WASF3: variants seen among roughly 807,000 people sequenced by gnomAD.
The protein encoded by WASF3 is actin-binding protein WASF3.
In WASF3, 11 loss-of-function variants were observed where a neutral mutation model predicts 46.6. The observed-to-expected ratio is 0.24, with a 90% CI of 0.15 to 0.39. WASF3 has a LOEUF of 0.39. Among genes scored for constraint, WASF3 ranks in the 10% least tolerant of loss-of-function variants. The probability of loss-of-function intolerance (pLI) is 1.00; values close to 1 mark genes in which losing one functional copy is unlikely to be tolerated. For synonymous variants in WASF3, 242 were observed against 259.7 expected (o/e 0.93, Z 0.65); for missense variants, 576 against 669.8 (o/e 0.86, Z 1.55).
chr13:26,561,324 C>T (rs1027217364), intron 1 of WASF3, among the ~76,000 whole-genome samples: 1 of 151,572 alleles, frequency 6.6e-6, no homozygotes, highest in African/African-American at 2.4e-5. Flanking sequence ...GGTCATTGGC[C>T]GTGTGTGTGT....
At position 26,635,511 on chromosome 13, in the gene WASF3, C is replaced by T. The variant is rs141702801; in HGVS notation, c.-10-6750C>T. On this transcript the variant is annotated intron_variant, in intron 2 of 9. Coordinates refer to ENST00000335327, the MANE Select transcript of WASF3 (RefSeq NM_006646.6). ...CTGTCAACTCGTCAAAGTCATTCTC[C>T]GTCCAGCTTTGTTCCATTGCTGGCA... Among the ~76,000 whole-genome samples the T allele has an allele frequency of 7.2e-3, 1,092 of 152,308 alleles. 9 individuals carry two copies. The highest frequency in any genetic ancestry group is 0.024 in the African/African-American group (1,011 of 41,562).
intron 1 of WASF3, among the ~76,000 whole-genome samples, chr13:26,558,756 C>G (rs1393199927): frequency 6.6e-6 from 1 of 152,190 alleles, no homozygotes; most frequent in Non-Finnish European, 1.5e-5. Flanking sequence ...CAGCAACAGT[C>G]TCGAGTTTTC....
At chr13:26,559,387 C>G (rs1466860705) in intron 1 of WASF3, among the ~76,000 whole-genome samples, 1 of 152,192 alleles carries the variant, frequency 6.6e-6, no homozygotes, top group African/African-American at 2.4e-5. Flanking sequence ...TGCTTAATAG[C>G]ATTTGTTTTT....
At chr13:26,575,823 C>G (rs1879780197) in intron 1 of WASF3, among the ~76,000 whole-genome samples, 2 of 152,274 alleles carry the variant, frequency 1.3e-5, no homozygotes, top group South Asian at 2.1e-4. Flanking sequence ...GATTCATTCT[C>G]TGATATCATT....
intron 2 of WASF3, among the ~76,000 whole-genome samples, chr13:26,636,689 G>A (rs1254065315): frequency 1.3e-5 from 2 of 152,146 alleles, no homozygotes; most frequent in African/African-American, 4.8e-5. Flanking sequence ...TATCTCTGCT[G>A]GGTCATACAG....
At chr13:26,620,931 G>C (rs75697278) in intron 2 of WASF3, among the ~76,000 whole-genome samples, 3 of 152,086 alleles carry the variant, frequency 2.0e-5, no homozygotes, top group Non-Finnish European at 4.4e-5. Flanking sequence ...CCTTTTTCTG[G>C]GAGACTTATT....
chr13:26,660,565 G>C (rs80262244), intron 3 of WASF3, among the ~76,000 whole-genome samples: 9,362 of 152,020 alleles, frequency 0.062, 319 homozygotes, highest in South Asian at 0.1. Flanking sequence ...AAGGGGCGAG[G>C]ACAGAGCAGC....
chr13:26,682,886 C>T lies in WASF3; in HGVS notation c.1263C>T (p.Gly421=), dbSNP rs768432454. 12 of 1,611,698 alleles carry T rather than the reference C, an allele frequency of 7.4e-6. 1 individual carries two copies. The South Asian group carries it at 8.8e-5, about 12-fold the overall frequency. ...CTCTTTCGTCCTCCCCAATGCATGG[C>T]CCCCCAGTAGCTGAGGCGAAGCGGC... ...GSSLSSSPMH[G]PPVAEAKRQE... Residue 421 remains glycine, a synonymous_variant, in exon 9 of 10, where the codon GGC becomes GGT. Transcript: ENST00000335327. This position sits in a 1 kb window ranked among gnomAD's most constrained non-coding sequence, Gnocchi z 4.4.
chr13:26,561,599 A>C (rs539173838), intron 1 of WASF3, among the ~76,000 whole-genome samples: 1 of 152,212 alleles, frequency 6.6e-6, no homozygotes, highest in Non-Finnish European at 1.5e-5. Context: ...GACTGTCTCA[A>C]ACAGTTTGAG....
chr13:26,662,386 A>G (rs900680300), intron 3 of WASF3, among the ~76,000 whole-genome samples: 1 of 152,238 alleles, frequency 6.6e-6, no homozygotes, highest in Non-Finnish European at 1.5e-5. Flanking sequence ...GCAGTAAGAA[A>G]GACATGGAAT....
At chr13:26,562,870 C>CCCTCCCCTCCTCG (rs1879340906) in intron 1 of WASF3, among the ~76,000 whole-genome samples, 1 of 30,674 alleles carries the variant, frequency 3.3e-5, no homozygotes. Flanking sequence ...TCCCCTCCTC[C>CCCTCCCCTCCTCG]CTCCCTTCCC....
At chr13:26,544,709 C>G in the WASF3 span, among the ~76,000 whole-genome samples, 31 of 152,342 alleles carry the variant, frequency 2.0e-4, no homozygotes, top group African/African-American at 6.7e-4. Context: ...AGTAAACAAG[C>G]ATCCCGAGTC....
intron 1 of WASF3, among the ~76,000 whole-genome samples, chr13:26,591,574 G>A (rs1428533761): frequency 6.6e-6 from 1 of 152,150 alleles, no homozygotes; most frequent in African/African-American, 2.4e-5. Flanking sequence ...GGGAGACTAC[G>A]AGCTCTAGAT....
At chr13:26,548,521 A>T in the WASF3 span, among the ~76,000 whole-genome samples, 3 of 152,172 alleles carry the variant, frequency 2.0e-5, no homozygotes, top group Non-Finnish European at 4.4e-5. Flanking sequence ...TTCATGCATG[A>T]CAGAAATCTT....
chr13:26,608,550 G>T (rs1435781893), intron 1 of WASF3, among the ~76,000 whole-genome samples: 2 of 152,038 alleles, frequency 1.3e-5, no homozygotes, highest in African/African-American at 4.8e-5. Context: ...AAACTTTCTG[G>T]GGGGCAAAGA....
chr13:26,588,923 A>G (rs773669269), intron 1 of WASF3, among the ~76,000 whole-genome samples: 15 of 151,786 alleles, frequency 9.9e-5, no homozygotes, highest in Non-Finnish European at 1.9e-4. Context: ...TCAGCCTCCC[A>G]AGTGGCTGGG....
intron 2 of WASF3, among the ~76,000 whole-genome samples, chr13:26,613,498 G>A (rs1003405766): frequency 7.2e-5 from 11 of 152,144 alleles, no homozygotes; most frequent in Admixed American, 3.3e-4. Flanking sequence ...GGCCGGACAC[G>A]GTGGCTCATG....
chr13:26,585,062 G>A (rs1027732083), intron 1 of WASF3, among the ~76,000 whole-genome samples: 12 of 149,490 alleles, frequency 8.0e-5, no homozygotes. Context: ...ATTTTCCCAA[G>A]CAATACTGTG....
intron 1 of WASF3, among the ~76,000 whole-genome samples, chr13:26,602,216 A>G (rs550485504): frequency 2.0e-5 from 3 of 152,236 alleles, no homozygotes; most frequent in South Asian, 4.1e-4. Context: ...CCCCTTTACC[A>G]TGCAGCCTCT....
Sources: allele counts gnomAD v4.1 joint callset (sites outside exome capture counted in the v4.1 genomes callset), GRCh38; gene constraint gnomAD v4.1.1; non-coding constraint Gnocchi (gnomAD v3.1); transcripts MANE v1.5; gene names NCBI Gene and HGNC (gene_info 2026-07-23, HGNC 2026-07-21).